The following AGBL1 variants were observed in gnomAD, a reference collection of about 807,000 sequenced individuals.
AGBL1 encodes cytosolic carboxypeptidase 4.
AGBL1 carries 130 observed loss-of-function variants against 118.9 expected under a neutral mutation model. That is an observed-to-expected ratio of 1.09 (90% CI 0.95 to 1.26). The LOEUF (loss-of-function observed/expected upper bound fraction) is 1.26. AGBL1 is among the 50% of genes most tolerant of loss of function. The probability of loss-of-function intolerance (pLI) is 0.00; values close to 1 mark genes in which losing one functional copy is unlikely to be tolerated. For synonymous variants in AGBL1, 555 were observed against 478.9 expected (o/e 1.16, Z -2.08); for missense variants, 1,584 against 1,298.1 (o/e 1.22, Z -3.38).
intron 17 of AGBL1, among the ~76,000 whole-genome samples, chr15:86,310,720 C>T (rs978881137): frequency 6.6e-6 from 1 of 152,048 alleles, no homozygotes; most frequent in Admixed American, 6.5e-5. Flanking sequence ...CAGCCTAGAG[C>T]CTGGGGCCAC....
At chr15:86,216,881 C>T (rs899502330) in intron 5 of AGBL1, among the ~76,000 whole-genome samples, 19 of 152,178 alleles carry the variant, frequency 1.2e-4, no homozygotes, top group African/African-American at 3.4e-4. Flanking sequence ...AGCAGCCCTG[C>T]CCATCTCACT....
At position 86,330,448 on chromosome 15, in the gene AGBL1, GA is replaced by G. The variant is rs548579771; in HGVS notation, c.2374+35047del. Among the ~76,000 whole-genome samples, 311 of 152,104 alleles carry G rather than the reference GA, an allele frequency of 2.0e-3. 1 individual carries two copies. Among genetic ancestry groups the G allele is most frequent in the African/African-American group, 5.1e-3 (213 of 41,506 alleles). Reference sequence around the variant, plus strand: ...CCGTAGGGAAGAGGGGAAAGGGAAAGAAAAAAACTATAAGGAAAGATAAAGA... The same window carrying G: ...CCGTAGGGAAGAGGGGAAAGGGAAAGAAAAAACTATAAGGAAAGATAAAGA... On this transcript the variant is annotated intron_variant, in intron 17 of 22. Transcript: ENST00000614907.
chr15:86,763,636 C>T (rs953051910), intron 22 of AGBL1, among the ~76,000 whole-genome samples: 3 of 151,792 alleles, frequency 2.0e-5, no homozygotes, highest in Non-Finnish European at 4.4e-5. Flanking sequence ...ACAGCTCTCA[C>T]CTTTATTGGC....
intron 22 of AGBL1, among the ~76,000 whole-genome samples, chr15:86,867,469 G>GA (rs2079648929): frequency 6.6e-6 from 1 of 152,142 alleles, no homozygotes; most frequent in African/African-American, 2.4e-5. Context: ...TGGCAGGAGT[G>GA]AAAACAACAG....
chr15:86,094,622 T>G (rs549532166), intron 1 of AGBL1, among the ~76,000 whole-genome samples: 4 of 152,274 alleles, frequency 2.6e-5, no homozygotes, highest in African/African-American at 7.2e-5. Context: ...GGAACTTAGA[T>G]GGTCCTTCAG....
intron 21 of AGBL1, among the ~76,000 whole-genome samples, chr15:86,611,707 A>AT (rs35885314): frequency 0.49 from 73,722 of 151,848 alleles, 17,936 homozygotes; most frequent in East Asian, 0.6. Context: ...TTTCTGTGGG[A>AT]TTTTTTAAAG....
downstream of AGBL1, among the ~76,000 whole-genome samples, chr15:87,029,871 C>T (rs2081768344): frequency 6.6e-6 from 1 of 151,822 alleles, no homozygotes; most frequent in Admixed American, 6.6e-5. Context: ...AAATGCATAG[C>T]ACTTCTGGGT....
intron 24 of AGBL1, among the ~76,000 whole-genome samples, chr15:87,007,600 G>A (rs1447031589): frequency 6.6e-6 from 1 of 152,174 alleles, no homozygotes; most frequent in Non-Finnish European, 1.5e-5. Flanking sequence ...TTAGTTGAGA[G>A]ATAACTATAT....
intron 21 of AGBL1, among the ~76,000 whole-genome samples, chr15:86,666,238 C>A (rs531294900): frequency 1.1e-4 from 16 of 152,052 alleles, no homozygotes; most frequent in African/African-American, 3.6e-4. Context: ...TATCACATAA[C>A]CCTTGGGATA....
chr15:86,821,293 T>C (rs142790841), intron 22 of AGBL1, among the ~76,000 whole-genome samples: 3 of 152,234 alleles, frequency 2.0e-5, no homozygotes, highest in Non-Finnish European at 4.4e-5. Flanking sequence ...AACATGCATG[T>C]TCTGCACATG....
intron 18 of AGBL1, among the ~76,000 whole-genome samples, chr15:86,514,008 G>A (rs1240605166): frequency 6.6e-6 from 1 of 151,754 alleles, no homozygotes; most frequent in Admixed American, 6.6e-5. Context: ...AGCAGCCCTG[G>A]TTTCTTTTAT....
intron 1 of AGBL1, among the ~76,000 whole-genome samples, chr15:86,098,195 G>C (rs1896500469): frequency 6.6e-6 from 1 of 151,542 alleles, no homozygotes; most frequent in African/African-American, 2.4e-5. Flanking sequence ...TGAGTTCCTT[G>C]TATATTCTGG....
Position 86,336,350 on chromosome 15 carries a change from C to G in AGBL1, c.2374+40942C>G, listed in dbSNP as rs2080368732. Among the ~76,000 whole-genome samples the G allele has an allele frequency of 3.3e-5, 5 of 152,224 alleles. No homozygotes were observed. In the South Asian group the frequency reaches 1.0e-3, roughly 32 times the overall value. On this transcript the variant is annotated intron_variant, in intron 17 of 22. Coordinates refer to ENST00000614907, the MANE Select transcript of AGBL1 (RefSeq NM_001386094.1). ...AGTTGCTAGTCATCACTCTCTGTAACTTGCAAGAGACGCCCCTGAGGTTTC... is the reference window on the plus strand; with the variant it reads ...AGTTGCTAGTCATCACTCTCTGTAAGTTGCAAGAGACGCCCCTGAGGTTTC...
chr15:86,936,876 A>T (rs2080682825), intron 23 of AGBL1, among the ~76,000 whole-genome samples: 1 of 152,208 alleles, frequency 6.6e-6, no homozygotes, highest in African/African-American at 2.4e-5. Context: ...AACCTACAAA[A>T]TGGGAGAAAA....
intron 22 of AGBL1, among the ~76,000 whole-genome samples, chr15:86,762,987 A>T (rs1003572400): frequency 6.6e-6 from 1 of 151,990 alleles, no homozygotes; most frequent in African/African-American, 2.4e-5. Context: ...ATAGAGTCCA[A>T]TGTCTATCAC....
Position 86,613,337 on chromosome 15 carries a change from T to C in AGBL1, c.2994+58800T>C, listed in dbSNP as rs59033536. 0.029 allele frequency among the ~76,000 whole-genome samples: 4,474 copies of C among 152,238 alleles called. 120 individuals carry two copies. The highest frequency in any genetic ancestry group is 0.14 in the East Asian group (729 of 5,162). ...GGTCCCATGAACTTGTAGGTGACTT[T>C]AGCTGGATCTAATGGGGCAGTAGGA... On this transcript the variant is annotated intron_variant, in intron 21 of 22. Coordinates refer to ENST00000614907, the MANE Select transcript of AGBL1 (RefSeq NM_001386094.1). The surrounding 1 kb of genome is among the most constrained non-coding windows in gnomAD (Gnocchi z 4.2).
intron 20 of AGBL1, among the ~76,000 whole-genome samples, chr15:86,548,746 G>A (rs2083622928): frequency 6.6e-6 from 1 of 151,194 alleles, no homozygotes. Context: ...CCACAGAAAA[G>A]CTAAGATAGG....
At chr15:86,131,442 A>C in intron 1 of AGBL1, among the ~76,000 whole-genome samples, 1 of 151,938 alleles carries the variant, frequency 6.6e-6, no homozygotes, top group East Asian at 1.9e-4. Flanking sequence ...ACAATGTCCT[A>C]TTTTTTTTAA....
At chr15:86,242,197 G>T (rs1413887692) in intron 6 of AGBL1, among the ~76,000 whole-genome samples, 2 of 152,006 alleles carry the variant, frequency 1.3e-5, no homozygotes, top group Non-Finnish European at 2.9e-5. Context: ...AAATTACCCA[G>T]TCTCAGGTAT....
Sources: gnomAD v4.1 joint callset for allele counts (sites outside exome capture counted in the v4.1 genomes callset) on GRCh38, gnomAD v4.1.1 for gene constraint, Gnocchi (gnomAD v3.1) non-coding constraint, MANE v1.5 for transcripts, NCBI Gene and HGNC (gene_info 2026-07-23, HGNC 2026-07-21) for gene names.